The following EYS variants were observed in gnomAD, a reference collection of about 807,000 sequenced individuals.
EYS encodes EGF-like photoreceptor maintenance factor.
EYS carries 250 observed loss-of-function variants against 282.1 expected under a neutral mutation model. The ratio of observed to expected loss-of-function variants is 0.89; its 90% CI spans 0.80 to 0.98. The LOEUF is 0.98. Ranked by LOEUF, EYS falls within the 50% of genes least tolerant of loss-of-function variation. EYS has a pLI of 0.00. For synonymous variants in EYS, 1,355 were observed against 1,282.9 expected, an observed-to-expected ratio of 1.06 and a Z score of -1.20; for missense variants, 4,016 against 3,709.0, an observed-to-expected ratio of 1.08 and a Z score of -2.15.
At chr6:65,654,542 G>T (rs1327512728) in intron 1 of EYS, among the ~76,000 whole-genome samples, 2 of 151,642 alleles carry the variant, frequency 1.3e-5, no homozygotes, top group African/African-American at 4.8e-5. Flanking sequence ...TTTAAATTTG[G>T]TTTTCCTCAA....
chr6:64,053,351 A>C (rs1770877251), intron 33 of EYS, among the ~76,000 whole-genome samples: 1 of 152,156 alleles, frequency 6.6e-6, no homozygotes, highest in African/African-American at 2.4e-5. Context: ...GTAATTTTAT[A>C]AAGCATATTT....
intron 27 of EYS, among the ~76,000 whole-genome samples, chr6:64,437,900 A>AATTC (rs1305022836): frequency 6.6e-6 from 1 of 151,658 alleles, no homozygotes; most frequent in Non-Finnish European, 1.5e-5. Flanking sequence ...CTTTCATGGA[A>AATTC]ATTCACAACA....
intron 12 of EYS, among the ~76,000 whole-genome samples, chr6:65,160,993 C>T (rs138114000): frequency 7.3e-5 from 11 of 150,626 alleles, no homozygotes; most frequent in African/African-American, 2.7e-4. Flanking sequence ...TCTTTTTCTA[C>T]ATCTACACTG....
At chr6:64,372,568 T>C (rs1266970849) in intron 29 of EYS, among the ~76,000 whole-genome samples, 2 of 152,152 alleles carry the variant, frequency 1.3e-5, no homozygotes, top group Admixed American at 6.5e-5. Flanking sequence ...TTTCTCTGCA[T>C]TTTGATTTGA....
At chr6:64,096,614 G>T (rs754584665) in intron 31 of EYS, among the ~76,000 whole-genome samples, 4 of 152,142 alleles carry the variant, frequency 2.6e-5, no homozygotes, top group Non-Finnish European at 4.4e-5. Context: ...GGTCCTTTAA[G>T]GACTTCTCTG....
At chr6:64,049,315 A>G (rs1770731155) in intron 33 of EYS, among the ~76,000 whole-genome samples, 1 of 152,178 alleles carries the variant, frequency 6.6e-6, no homozygotes, top group Non-Finnish European at 1.5e-5. Flanking sequence ...CCCTCTATTC[A>G]TCCATCTCTT....
At chr6:65,129,528 A>C (rs144937054) in intron 12 of EYS, among the ~76,000 whole-genome samples, 201 of 152,190 alleles carry the variant, frequency 1.3e-3, no homozygotes, top group African/African-American at 4.5e-3. Flanking sequence ...TTCTCAAAAC[A>C]AGACAGACTA....
intron 5 of EYS, among the ~76,000 whole-genome samples, chr6:65,424,887 T>G (rs1028145401): frequency 2.0e-5 from 3 of 152,016 alleles, no homozygotes; most frequent in Admixed American, 1.3e-4. Flanking sequence ...GAACTATTAC[T>G]CTATATTTTC....
At chr6:64,766,649 AATAT>A (rs70999172) in intron 22 of EYS, among the ~76,000 whole-genome samples, 20 of 19,042 alleles carry the variant, frequency 1.1e-3, no homozygotes, top group African/African-American at 2.9e-3. Context: ...AAAAAAAAAA[AATAT>A]ATATATATAT....
intron 2 of EYS, among the ~76,000 whole-genome samples, chr6:65,563,403 G>A (rs1384750339): frequency 6.6e-6 from 1 of 151,870 alleles, no homozygotes; most frequent in Non-Finnish European, 1.5e-5. Context: ...ATAAAACTAT[G>A]TTATATTTTT....
chr6:64,454,864 T>C (rs1477047807), intron 26 of EYS, among the ~76,000 whole-genome samples: 1 of 152,178 alleles, frequency 6.6e-6, no homozygotes, highest in African/African-American at 2.4e-5. Context: ...GTCTCCCTTA[T>C]ATGACGACTT....
chr6:64,193,283 G>T (rs545650426), intron 31 of EYS, among the ~76,000 whole-genome samples: 1 of 151,856 alleles, frequency 6.6e-6, no homozygotes, highest in Non-Finnish European at 1.5e-5. Context: ...ATTTAATTAT[G>T]TGTCTTACAT....
chr6:65,271,863 C>T (rs920429663), intron 12 of EYS, among the ~76,000 whole-genome samples: 43 of 152,256 alleles, frequency 2.8e-4, no homozygotes, highest in African/African-American at 7.9e-4. Flanking sequence ...GAATTGCAGG[C>T]GTGAGCCACT....
chr6:64,310,078 A>AAAAAAAAC (rs1554142131), intron 29 of EYS, among the ~76,000 whole-genome samples: 1,950 of 144,908 alleles, frequency 0.013, 32 homozygotes, highest in African/African-American at 0.047. Context: ...ATAAAAAAAA[A>AAAAAAAAC]AATAACAGAT....
At chr6:65,104,755 T>C (rs1774987764) in intron 12 of EYS, among the ~76,000 whole-genome samples, 1 of 151,580 alleles carries the variant, frequency 6.6e-6, no homozygotes, top group Non-Finnish European at 1.5e-5. Context: ...CGTTTATTTA[T>C]CAGCATGAAA....
chr6:64,205,948 T>C (rs1310250715), intron 31 of EYS, among the ~76,000 whole-genome samples: 2 of 152,114 alleles, frequency 1.3e-5, no homozygotes, highest in Admixed American at 6.6e-5. Context: ...ATACTCTATT[T>C]TTTAGAGAAA....
At chr6:64,106,719 C>A (rs113477104) in intron 31 of EYS, among the ~76,000 whole-genome samples, 94 of 151,890 alleles carry the variant, frequency 6.2e-4, no homozygotes, top group African/African-American at 2.2e-3. Flanking sequence ...TGATGTCCGA[C>A]ATGAATTTGA....
intron 26 of EYS, among the ~76,000 whole-genome samples, chr6:64,554,359 G>T (rs2149807714): frequency 6.6e-6 from 1 of 152,108 alleles, no homozygotes; most frequent in East Asian, 1.9e-4. Flanking sequence ...TGAAGAAAAA[G>T]GATATGTGTC....
intron 26 of EYS, among the ~76,000 whole-genome samples, chr6:64,477,767 CA>C (rs1776317540): frequency 6.6e-6 from 1 of 151,858 alleles, no homozygotes; most frequent in African/African-American, 2.4e-5. Context: ...GATATTGCTT[CA>C]AAAGGAAACA....
Sources: allele counts gnomAD v4.1 joint callset (sites outside exome capture counted in the v4.1 genomes callset), GRCh38; gene constraint gnomAD v4.1.1; transcripts MANE v1.5; gene names NCBI Gene and HGNC (gene_info 2026-07-23, HGNC 2026-07-21).